The following NMNAT2 variants were observed in gnomAD, a reference collection of about 807,000 sequenced individuals.
The protein encoded by NMNAT2 is nicotinamide/nicotinic acid mononucleotide adenylyltransferase 2.
A neutral mutation model predicts 41.6 loss-of-function variants in NMNAT2; 11 were observed. The observed-to-expected ratio is 0.26, with a 90% confidence interval of 0.17 to 0.44. The LOEUF is 0.44. Among genes scored for constraint, NMNAT2 ranks in the 20% least tolerant of loss-of-function variants. The probability of loss-of-function intolerance (pLI) is 1.00; values close to 1 mark genes in which losing one functional copy is unlikely to be tolerated. For synonymous variants in NMNAT2, 148 were observed against 151.2 expected (o/e 0.98, Z 0.16); for missense variants, 288 against 407.7 (o/e 0.71, Z 2.53).
chr1:183,332,763 T>G (rs1000285315), intron 1 of NMNAT2, among the ~76,000 whole-genome samples: 15 of 152,288 alleles, frequency 9.8e-5, no homozygotes, highest in Admixed American at 1.3e-4. Flanking sequence ...GTGGCACAGC[T>G]TCCTTGGATC....
intron 1 of NMNAT2, among the ~76,000 whole-genome samples, chr1:183,393,370 G>A (rs1412626787): frequency 6.6e-6 from 1 of 151,936 alleles, no homozygotes; most frequent in African/African-American, 2.4e-5. Context: ...ATGGTTAAAC[G>A]CCCAGCTTCA....
At chr1:183,350,027 C>T (rs1010549010) in intron 1 of NMNAT2, among the ~76,000 whole-genome samples, 2 of 152,208 alleles carry the variant, frequency 1.3e-5, no homozygotes, top group Non-Finnish European at 2.9e-5. Flanking sequence ...CCTTGCCCTA[C>T]CAGGCCACTA....
chr1:183,326,110 T>C (rs1206111326), intron 1 of NMNAT2, among the ~76,000 whole-genome samples: 1 of 152,098 alleles, frequency 6.6e-6, no homozygotes, highest in Non-Finnish European at 1.5e-5. Flanking sequence ...GCACGGTGGC[T>C]CATGCCTGTA....
chr1:183,286,612 C>G, intron 5 of NMNAT2, 50 bp downstream of exon 5: 1 of 1,506,226 alleles, frequency 6.6e-7, no homozygotes, highest in Non-Finnish European at 9.0e-7. Flanking sequence ...ATTTAACAAG[C>G]CCTCCACATG....
chr1:183,290,858 G>C (rs921232609), intron 3 of NMNAT2: 2 of 152,222 alleles, frequency 1.3e-5, no homozygotes, highest in Non-Finnish European at 2.9e-5. Flanking sequence ...CCGGGATACT[G>C]CTTGTGACGT....
intron 1 of NMNAT2, among the ~76,000 whole-genome samples, chr1:183,350,814 T>G (rs917715106): frequency 6.6e-6 from 1 of 152,238 alleles, no homozygotes; most frequent in African/African-American, 2.4e-5. Context: ...TTCTCTCTTT[T>G]ATAGTTAGGT....
chr1:183,406,330 G>T (rs1285004168), intron 1 of NMNAT2, among the ~76,000 whole-genome samples: 2 of 152,196 alleles, frequency 1.3e-5, no homozygotes, highest in Non-Finnish European at 2.9e-5. Flanking sequence ...GGACAGAGTA[G>T]CTGTCTCCAC....
chr1:183,304,556 C>T, intron 1 of NMNAT2: 1 of 942,824 alleles, frequency 1.1e-6, no homozygotes, highest in Non-Finnish European at 1.7e-6. Context: ...CACAGAGCAG[C>T]CCTGCAAACC....
chr1:183,252,334 C>T lies in NMNAT2; in HGVS notation c.*307G>A, dbSNP rs1660409517. On this transcript the variant is annotated 3_prime_UTR_variant, in exon 11 of 11. Transcript: ENST00000287713. ...CAGAGCGTGCTGGGAGGATGGGCAC[C>T]AGAGCCGCCTCTCTAGAGCATGCTG... 1 of 337,622 alleles carries T rather than the reference C, an allele frequency of 3.0e-6. No individual in the cohort carries two copies. The highest frequency in any genetic ancestry group is 4.3e-5 in the Admixed American group (1 of 23,060). 20.9% of individuals were successfully genotyped at this position (337,622 alleles called of 1,614,324 possible).
chr1:183,304,799 C>A, intron 1 of NMNAT2: 1 of 1,611,130 alleles, frequency 6.2e-7, no homozygotes, highest in Non-Finnish European at 8.5e-7. Context: ...CAGAGAGTAA[C>A]ACAAAGTGGT....
At chr1:183,275,622 G>A (rs1181485237) in intron 8 of NMNAT2, among the ~76,000 whole-genome samples, 6 of 151,672 alleles carry the variant, frequency 4.0e-5, no homozygotes, top group Non-Finnish European at 7.4e-5. Context: ...GGGACTCCAG[G>A]ATGGCTAACC....
intron 1 of NMNAT2, among the ~76,000 whole-genome samples, chr1:183,298,585 T>C (rs1365539746): frequency 6.6e-6 from 1 of 152,104 alleles, no homozygotes; most frequent in Non-Finnish European, 1.5e-5. Context: ...TAACTGAGAG[T>C]CCTTTTCAAG....
At chr1:183,302,133 C>G (rs1661870149) in intron 1 of NMNAT2, among the ~76,000 whole-genome samples, 1 of 152,186 alleles carries the variant, frequency 6.6e-6, no homozygotes, top group Admixed American at 6.5e-5. Context: ...CTGTGGCCTA[C>G]TAAACTGAGC....
At chr1:183,350,180 C>A (rs1663015868) in intron 1 of NMNAT2, among the ~76,000 whole-genome samples, 2 of 152,164 alleles carry the variant, frequency 1.3e-5, no homozygotes. Context: ...GTGGTAAGTG[C>A]TGTGAATAAA....
At chr1:183,366,884 G>A (rs938578713) in intron 1 of NMNAT2, among the ~76,000 whole-genome samples, 4 of 152,102 alleles carry the variant, frequency 2.6e-5, no homozygotes, top group Admixed American at 2.0e-4. Flanking sequence ...AAGCAAAACC[G>A]GCTTATCTGT....
At chr1:183,329,997 G>A (rs147148578) in intron 1 of NMNAT2, among the ~76,000 whole-genome samples, 134 of 152,234 alleles carry the variant, frequency 8.8e-4, no homozygotes, top group Non-Finnish European at 1.3e-3. Context: ...CCGCAAAACC[G>A]GGAGGCTGGA....
rs35164473 is a variant in NMNAT2 at position 183,373,619 on chromosome 1, C to CT, written c.85+44563dup. Among the ~76,000 whole-genome samples the CT allele has an allele frequency of 2.6e-3, 359 of 140,446 alleles. 2 individuals carry two copies. Among genetic ancestry groups the CT allele is most frequent in the African/African-American group, 4.7e-3 (179 of 38,456 alleles). 92.1% of individuals were successfully genotyped at this position (140,446 alleles called of 152,430 possible). ...TCTGTTGAGATGGTTGAACTTTATT[C>CT]TTTTTTTTTTTTTTTTGAGACAGAG... On this transcript the variant is annotated intron_variant, in intron 1 of 10. Coordinates refer to ENST00000287713, the MANE Select transcript of NMNAT2 (RefSeq NM_015039.4).
intron 8 of NMNAT2, among the ~76,000 whole-genome samples, chr1:183,269,421 G>T (rs1426055136): frequency 6.6e-6 from 1 of 152,240 alleles, no homozygotes; most frequent in Non-Finnish European, 1.5e-5. Context: ...ATGTGGATTT[G>T]CCCTGGCAGG....
At chr1:183,315,115 G>A (rs1374791910) in intron 1 of NMNAT2, among the ~76,000 whole-genome samples, 3 of 152,058 alleles carry the variant, frequency 2.0e-5, no homozygotes, top group African/African-American at 7.2e-5. Context: ...TTTTTCTCTT[G>A]TCATTCTGAT....
Sources: gnomAD v4.1 joint callset for allele counts (sites outside exome capture counted in the v4.1 genomes callset) on GRCh38, gnomAD v4.1.1 for gene constraint, MANE v1.5 for transcripts, NCBI Gene and HGNC (gene_info 2026-07-23, HGNC 2026-07-21) for gene names.